The following EDIL3 variants were observed in gnomAD, a reference collection of about 807,000 sequenced individuals.
EDIL3 encodes EGF-like repeat and discoidin I-like domain-containing protein 3.
A neutral mutation model predicts 67.4 loss-of-function variants in EDIL3; 37 were observed. That is an observed-to-expected ratio of 0.55 (90% CI 0.42 to 0.72). The LOEUF (loss-of-function observed/expected upper bound fraction) is 0.72, where lower values mean the gene tolerates loss of function less well. EDIL3 is among the 30% of genes least tolerant of loss of function. The pLI is 0.00. For missense variants in EDIL3, 527 were observed against 586.3 expected (o/e 0.90, Z 1.04); for synonymous variants, 195 against 196.3 (o/e 0.99, Z 0.05).
chr5:84,176,214 T>TATATATATATATATAAA (rs1561453844), intron 4 of EDIL3, among the ~76,000 whole-genome samples: 6 of 133,326 alleles, frequency 4.5e-5, no homozygotes, highest in African/African-American at 1.9e-4. Flanking sequence ...TATATATATA[T>TATATATATATATATAAA]ATATATATAT....
intron 1 of EDIL3, among the ~76,000 whole-genome samples, chr5:84,297,079 G>T (rs985153336): frequency 6.6e-6 from 1 of 151,368 alleles, no homozygotes; most frequent in Non-Finnish European, 1.5e-5. Flanking sequence ...CTACTCAGGA[G>T]GCTGAGGCAG....
chr5:84,014,155 A>G (rs1007504927), intron 9 of EDIL3, among the ~76,000 whole-genome samples: 14 of 152,154 alleles, frequency 9.2e-5, no homozygotes, highest in African/African-American at 2.9e-4. Flanking sequence ...AATACATTAT[A>G]TTTTGGAGCT....
At chr5:84,177,348 T>C (rs148702359) in intron 4 of EDIL3, among the ~76,000 whole-genome samples, 5 of 152,310 alleles carry the variant, frequency 3.3e-5, no homozygotes, top group Admixed American at 1.3e-4. Context: ...AAAGGCTACA[T>C]ACTATGTGAT....
chr5:84,015,186 A>G (rs1265393654), intron 9 of EDIL3, among the ~76,000 whole-genome samples: 3 of 152,220 alleles, frequency 2.0e-5, no homozygotes, highest in African/African-American at 4.8e-5. Context: ...AGTGGAAAAC[A>G]CTGTGATGCA....
chr5:84,040,733 G>T (rs1367716542), intron 9 of EDIL3, among the ~76,000 whole-genome samples: 1 of 152,062 alleles, frequency 6.6e-6, no homozygotes, highest in Non-Finnish European at 1.5e-5. Context: ...TGGTACCACA[G>T]AATTTCTTTA....
chr5:84,028,610 C>T (rs952114937), intron 9 of EDIL3, among the ~76,000 whole-genome samples: 5 of 151,902 alleles, frequency 3.3e-5, no homozygotes, highest in African/African-American at 9.7e-5. Flanking sequence ...TCAATGGATA[C>T]TTTATTAGAA....
intron 3 of EDIL3, among the ~76,000 whole-genome samples, chr5:84,203,593 A>C (rs1436520320): frequency 6.6e-6 from 1 of 152,226 alleles, no homozygotes; most frequent in African/African-American, 2.4e-5. Context: ...CTTCAGGGAA[A>C]TCCTGAATTA....
intron 1 of EDIL3, among the ~76,000 whole-genome samples, chr5:84,315,226 T>C (rs920804533): frequency 1.3e-5 from 2 of 152,186 alleles, no homozygotes; most frequent in Non-Finnish European, 2.9e-5. Context: ...GTATAAATGA[T>C]TTGAAATGTC....
intron 1 of EDIL3, among the ~76,000 whole-genome samples, chr5:84,355,447 A>G (rs1747460572): frequency 6.6e-6 from 1 of 151,924 alleles, no homozygotes; most frequent in Non-Finnish European, 1.5e-5. Flanking sequence ...TTAGCTCAGA[A>G]GAGTTTATTA....
At chr5:83,998,887 T>C (rs1228599745) in intron 9 of EDIL3, among the ~76,000 whole-genome samples, 2 of 152,288 alleles carry the variant, frequency 1.3e-5, no homozygotes, top group South Asian at 2.1e-4. Flanking sequence ...GTGGTGGTTA[T>C]GGGAGTGCTT....
At chr5:84,032,335 A>G (rs2112204008) in intron 9 of EDIL3, among the ~76,000 whole-genome samples, 1 of 152,338 alleles carries the variant, frequency 6.6e-6, no homozygotes, top group East Asian at 1.9e-4. Context: ...TTTTAAAATT[A>G]AAACTATTCA....
chr5:84,313,566 A>G (rs893144822), intron 1 of EDIL3, among the ~76,000 whole-genome samples: 1 of 152,210 alleles, frequency 6.6e-6, no homozygotes, highest in South Asian at 2.1e-4. Context: ...TTTCCTCTAC[A>G]AAGGATTATA....
intron 1 of EDIL3, among the ~76,000 whole-genome samples, chr5:84,306,644 A>G (rs1243975199): frequency 6.6e-6 from 1 of 152,230 alleles, no homozygotes; most frequent in Non-Finnish European, 1.5e-5. Flanking sequence ...ATCAATTTCT[A>G]GTGAAAGCAA....
intron 2 of EDIL3, among the ~76,000 whole-genome samples, chr5:84,231,891 A>G (rs1353701933): frequency 6.6e-6 from 1 of 152,228 alleles, no homozygotes; most frequent in Non-Finnish European, 1.5e-5. Context: ...AAAGAAAAAA[A>G]ATCCTTACAC....
chr5:84,171,728 C>T (rs958198601), intron 4 of EDIL3, among the ~76,000 whole-genome samples: 1 of 152,156 alleles, frequency 6.6e-6, no homozygotes, highest in Non-Finnish European at 1.5e-5. Flanking sequence ...GGCATTATAA[C>T]CCTTCACATA....
chr5:83,990,497 A>AG (rs1745131025), intron 9 of EDIL3, among the ~76,000 whole-genome samples: 3 of 151,108 alleles, frequency 2.0e-5, no homozygotes, highest in South Asian at 2.1e-4. Context: ...AAAAAAAAAA[A>AG]AAAGAAAGAA....
At chr5:84,041,514 T>C (rs921978992) in intron 9 of EDIL3, among the ~76,000 whole-genome samples, 2 of 149,854 alleles carry the variant, frequency 1.3e-5, no homozygotes, top group Non-Finnish European at 3.0e-5. Flanking sequence ...ATTACAGAGC[T>C]TTAAGACAGC....
chr5:84,278,105 T>C (rs1020012306), intron 1 of EDIL3, among the ~76,000 whole-genome samples: 1 of 152,202 alleles, frequency 6.6e-6, no homozygotes, highest in African/African-American at 2.4e-5. Flanking sequence ...AATGGAAAGT[T>C]AGACGCAAAC....
At chr5:84,269,256 T>A (rs1745412951) in intron 1 of EDIL3, among the ~76,000 whole-genome samples, 1 of 152,186 alleles carries the variant, frequency 6.6e-6, no homozygotes, top group South Asian at 2.1e-4. Flanking sequence ...TTCAAAAATA[T>A]GAATATGTCA....
Sources: gnomAD v4.1 joint callset for allele counts (sites outside exome capture counted in the v4.1 genomes callset) on GRCh38, gnomAD v4.1.1 for gene constraint, MANE v1.5 for transcripts, NCBI Gene and HGNC (gene_info 2026-07-23, HGNC 2026-07-21) for gene names.